Variants in VSTM2B observed in about 807,000 individuals in gnomAD.
The protein encoded by VSTM2B is V-set and transmembrane domain containing 2B, also known as V-set and transmembrane domain-containing protein 2B.
In VSTM2B, 24 loss-of-function variants were observed where a neutral mutation model predicts 24.0. The ratio of observed to expected loss-of-function variants is 1.00; its 90% CI spans 0.72 to 1.40. The LOEUF is 1.40. Among genes scored for constraint, VSTM2B ranks in the 40% most tolerant of loss-of-function variants. The pLI is 0.00. For missense variants in VSTM2B, 399 were observed against 416.4 expected (o/e 0.96, Z 0.36); for synonymous variants, 226 against 194.4 (o/e 1.16, Z -1.35).
chr19:29,564,044 AG>A lies in VSTM2B; in HGVS notation c.*111del. 6.2e-6 allele frequency: 5 copies of A among 803,158 alleles called. No individual in the cohort carries two copies. Among genetic ancestry groups the A allele is most frequent in the Non-Finnish European group, 1.0e-5 (5 of 494,386 alleles). The allele number at this position is 803,158 out of a possible 1,614,324, so 49.8% of individuals were successfully genotyped here. On this transcript the variant is annotated 3_prime_UTR_variant, in exon 5 of 5. Transcript: ENST00000335523. The stretch of plus-strand genomic sequence containing the variant: ...AGAGAGACTGAGAGACGCATGAAAA[AG>A]TCCACATGGAAAATAAATAAATCAT...
chr19:29,532,583 T>C (rs1969785563), intron 4 of VSTM2B, among the ~76,000 whole-genome samples: 1 of 152,194 alleles, frequency 6.6e-6, no homozygotes, highest in Non-Finnish European at 1.5e-5. Context: ...GAAGTTCCGA[T>C]GTAGGTTGTG....
At chr19:29,560,848 C>G (rs1231607202) in intron 4 of VSTM2B, among the ~76,000 whole-genome samples, 1 of 152,222 alleles carries the variant, frequency 6.6e-6, no homozygotes, top group African/African-American at 2.4e-5. Flanking sequence ...GGGCACCAGA[C>G]AAGGTTCACG....
At chr19:29,534,430 C>G (rs531558715) in intron 4 of VSTM2B, among the ~76,000 whole-genome samples, 6 of 152,280 alleles carry the variant, frequency 3.9e-5, no homozygotes, top group African/African-American at 1.4e-4. Context: ...TGAAGAGGCT[C>G]ATGGCCAGGC....
In VSTM2B at chr19:29,528,423, T is replaced by G. The variant is rs887086741; in HGVS notation, c.268-10T>G. 2.6e-6 allele frequency: 4 copies of G among 1,551,228 alleles called. No individual in the cohort carries two copies. Among genetic ancestry groups the G allele is most frequent in the Non-Finnish European group, 3.5e-6 (4 of 1,146,980 alleles). ...AGCCTCACGTCTCTCTCTCCCTCTT[T>G]GCATTTTAGGTAACAAATAAGGATG... On this transcript the variant is annotated splice_polypyrimidine_tract_variant and intron_variant, in intron 2 of 4. Coordinates refer to ENST00000335523, the MANE Select transcript of VSTM2B (RefSeq NM_001146339.2).
At chr19:29,537,553 T>C (rs1969919163) in intron 4 of VSTM2B, among the ~76,000 whole-genome samples, 1 of 152,190 alleles carries the variant, frequency 6.6e-6, no homozygotes, top group Admixed American at 6.5e-5. Context: ...TACTGCTCTC[T>C]GGGCTAAAAT....
At chr19:29,544,544 A>C (rs1451449276) in intron 4 of VSTM2B, among the ~76,000 whole-genome samples, 3 of 150,858 alleles carry the variant, frequency 2.0e-5, no homozygotes, top group Non-Finnish European at 3.0e-5. Flanking sequence ...AAAAAAAAAA[A>C]AAAAAAAAAA....
intron 4 of VSTM2B, among the ~76,000 whole-genome samples, chr19:29,556,375 G>A (rs541889308): frequency 6.6e-6 from 1 of 152,234 alleles, no homozygotes; most frequent in African/African-American, 2.4e-5. Flanking sequence ...GGTATTGATG[G>A]AACATACCTC....
At chr19:29,528,400 C>T in intron 2 of VSTM2B, 33 bp from the exon 3 acceptor site, 2 of 1,551,112 alleles carry the variant, frequency 1.3e-6, no homozygotes, top group Non-Finnish European at 1.7e-6. Context: ...AGGCCGCGAG[C>T]CTCACGTCTC....
intron 4 of VSTM2B, among the ~76,000 whole-genome samples, chr19:29,560,891 C>T (rs1970508876): frequency 6.6e-6 from 1 of 152,170 alleles, no homozygotes; most frequent in Non-Finnish European, 1.5e-5. Flanking sequence ...AGCCATTTCC[C>T]CTGCCGCTGC....
chr19:29,542,074 G>C (rs1487851604), intron 4 of VSTM2B, among the ~76,000 whole-genome samples: 1 of 150,680 alleles, frequency 6.6e-6, no homozygotes, highest in South Asian at 2.1e-4. Context: ...GTAGAAGGAT[G>C]ATGAGTAGAT....
chr19:29,527,422 C>T, intron 2 of VSTM2B, 27 bp downstream of exon 2: 2 of 1,446,616 alleles, frequency 1.4e-6, no homozygotes, highest in South Asian at 2.9e-5. Context: ...GCGGTACCGG[C>T]GCGCGCCCGG....
At chr19:29,527,742 C>T (rs1257227287) in intron 2 of VSTM2B, among the ~76,000 whole-genome samples, 1 of 152,156 alleles carries the variant, frequency 6.6e-6, no homozygotes, top group African/African-American at 2.4e-5. Flanking sequence ...CCATCAGGCT[C>T]TCCCCGCCCT....
chr19:29,548,989 G>T (rs1193510513), intron 4 of VSTM2B, among the ~76,000 whole-genome samples: 3 of 152,180 alleles, frequency 2.0e-5, no homozygotes, highest in Non-Finnish European at 4.4e-5. Context: ...TGAGGGGAAG[G>T]ATTTCTGCTG....
rs1180137144 is a variant in VSTM2B, at chr19:29,536,853, C to T, written c.769+6563C>T. Among the ~76,000 whole-genome samples the T allele has an allele frequency of 2.6e-5, 4 of 152,178 alleles. No individual in the cohort carries two copies. In the South Asian group the frequency reaches 8.3e-4, roughly 31 times the overall value. ...TGAATATTAAGGATTCCCCAAGCATCCGTGGGGATAAATGAGGTCAAGTGC... is the reference window on the plus strand; with the variant it reads ...TGAATATTAAGGATTCCCCAAGCATTCGTGGGGATAAATGAGGTCAAGTGC... On this transcript the variant is annotated intron_variant, in intron 4 of 4. Transcript: ENST00000335523.
chr19:29,555,075 C>G (rs10405929), intron 4 of VSTM2B, among the ~76,000 whole-genome samples: 13,345 of 152,172 alleles, frequency 0.088, 1,223 homozygotes, highest in African/African-American at 0.23. Context: ...TACATAGCTA[C>G]AGAAGTCTCC....
chr19:29,558,286 T>G (rs573245193), intron 4 of VSTM2B, among the ~76,000 whole-genome samples: 53 of 152,284 alleles, frequency 3.5e-4, no homozygotes, highest in Admixed American at 2.3e-3. Flanking sequence ...TTCAACCATT[T>G]TGGGAAACAG....
intron 4 of VSTM2B, among the ~76,000 whole-genome samples, chr19:29,563,016 C>A (rs964681619): frequency 1.3e-5 from 2 of 152,082 alleles, no homozygotes; most frequent in African/African-American, 4.8e-5. Context: ...AGTGGACAGA[C>A]AAGGTTGCTG....
intron 4 of VSTM2B, 62 bp downstream of exon 4, chr19:29,530,352 G>A: frequency 2.9e-6 from 4 of 1,388,904 alleles, no homozygotes; most frequent in Non-Finnish European, 1.9e-6. Flanking sequence ...GCTGCGCCGG[G>A]ACGCCCCGGG....
chr19:29,527,044 G>T, intron 1 of VSTM2B, 167 bp from the exon 2 acceptor site: 2 of 623,752 alleles, frequency 3.2e-6, no homozygotes, highest in Non-Finnish European at 5.4e-6. Context: ...CCTCGGCCCT[G>T]CAGCCGCTTC....
Sources: gnomAD v4.1 joint callset for allele counts (sites outside exome capture counted in the v4.1 genomes callset) on GRCh38, gnomAD v4.1.1 for gene constraint, MANE v1.5 for transcripts, NCBI Gene and HGNC (gene_info 2026-07-23, HGNC 2026-07-21) for gene names.